Variants in TRAPPC9 observed in about 807,000 individuals in gnomAD.
The protein encoded by TRAPPC9 is IKK2 binding protein.
A neutral mutation model predicts 124.0 loss-of-function variants in TRAPPC9; 83 were observed. That is an observed-to-expected ratio of 0.67 (90% CI 0.56 to 0.80). The LOEUF (loss-of-function observed/expected upper bound fraction) is 0.80. Among genes scored for constraint, TRAPPC9 ranks in the 30% least tolerant of loss-of-function variants. The probability of loss-of-function intolerance (pLI) is 0.00; values close to 1 mark genes in which losing one functional copy is unlikely to be tolerated. For synonymous variants in TRAPPC9, 638 were observed against 617.5 expected (o/e 1.03, Z -0.49); for missense variants, 1,302 against 1,508.3 (o/e 0.86, Z 2.27).
At chr8:139,932,891 A>C in intron 19 of TRAPPC9, 1 of 216,798 alleles carries the variant, frequency 4.6e-6, no homozygotes, top group Non-Finnish European at 9.1e-6. Context: ...GTCTGTTACC[A>C]CAGCATAAGC....
chr8:139,830,730 C>G (rs1825936278), intron 21 of TRAPPC9, among the ~76,000 whole-genome samples: 1 of 152,200 alleles, frequency 6.6e-6, no homozygotes. Context: ...CACACAGACA[C>G]ACACCTCTAG....
At chr8:140,131,778 ACT>A (rs1587774287) in intron 17 of TRAPPC9, among the ~76,000 whole-genome samples, 3 of 152,278 alleles carry the variant, frequency 2.0e-5, no homozygotes, top group East Asian at 1.9e-4. Context: ...ACAACTCCTC[ACT>A]CACACACATT....
chr8:140,437,026 C>T (rs1007334487), intron 3 of TRAPPC9, among the ~76,000 whole-genome samples: 2 of 152,090 alleles, frequency 1.3e-5, no homozygotes, highest in South Asian at 2.1e-4. Flanking sequence ...TGCAGTGGTG[C>T]GATCGTGGCT....
intron 20 of TRAPPC9, among the ~76,000 whole-genome samples, chr8:139,886,867 T>C (rs1169769753): frequency 6.6e-6 from 1 of 152,130 alleles, no homozygotes; most frequent in Non-Finnish European, 1.5e-5. Flanking sequence ...GAGAATCGCA[T>C]TGGCCAACCC....
intron 17 of TRAPPC9, among the ~76,000 whole-genome samples, chr8:140,187,364 G>T (rs996977100): frequency 3.9e-5 from 6 of 152,168 alleles, no homozygotes; most frequent in Non-Finnish European, 8.8e-5. Context: ...TCCCAACTCG[G>T]AAAATCTGAA....
intron 18 of TRAPPC9, among the ~76,000 whole-genome samples, chr8:140,009,711 A>G (rs1838995224): frequency 6.6e-6 from 1 of 152,222 alleles, no homozygotes; most frequent in South Asian, 2.1e-4. Flanking sequence ...GCAACAGCAC[A>G]TTCTCTGAAA....
At chr8:140,158,725 G>A (rs531906440) in intron 17 of TRAPPC9, among the ~76,000 whole-genome samples, 7 of 152,198 alleles carry the variant, frequency 4.6e-5, no homozygotes, top group Middle Eastern at 3.4e-3. Context: ...TCTGTGCTCC[G>A]GAGCCACCCA....
chr8:140,163,442 G>A (rs937264376), intron 17 of TRAPPC9, among the ~76,000 whole-genome samples: 2 of 152,202 alleles, frequency 1.3e-5, no homozygotes, highest in Non-Finnish European at 2.9e-5. Context: ...TTTTCTGGAT[G>A]GTATTGCCAT....
At chr8:140,178,305 T>C (rs1587863661) in intron 17 of TRAPPC9, among the ~76,000 whole-genome samples, 1 of 152,174 alleles carries the variant, frequency 6.6e-6, no homozygotes. Context: ...TTTTGTATCA[T>C]AAATGTGTGA....
intron 10 of TRAPPC9, among the ~76,000 whole-genome samples, chr8:140,305,688 T>A (rs1435730322): frequency 6.6e-6 from 1 of 152,196 alleles, no homozygotes; most frequent in Non-Finnish European, 1.5e-5. Context: ...TAATTTAACA[T>A]GTACAAACAA....
At chr8:140,072,517 CA>C (rs1203630621) in intron 17 of TRAPPC9, among the ~76,000 whole-genome samples, 8 of 109,518 alleles carry the variant, frequency 7.3e-5, no homozygotes, top group East Asian at 2.8e-4. Flanking sequence ...GACTCCGTCT[CA>C]AAAAAAAAAG....
chr8:140,059,088 C>T (rs1243263196), intron 17 of TRAPPC9, among the ~76,000 whole-genome samples: 1 of 152,206 alleles, frequency 6.6e-6, no homozygotes, highest in Non-Finnish European at 1.5e-5. Flanking sequence ...TAAAGCCACT[C>T]CATCACCCCC....
At chr8:140,163,249 G>A (rs1289439270) in intron 17 of TRAPPC9, among the ~76,000 whole-genome samples, 2 of 152,080 alleles carry the variant, frequency 1.3e-5, no homozygotes, top group African/African-American at 4.8e-5. Flanking sequence ...CAGCAGCTTG[G>A]TCTGCCTCAC....
intron 9 of TRAPPC9, among the ~76,000 whole-genome samples, chr8:140,312,740 ATTC>A (rs34638675): frequency 0.26 from 35,358 of 138,006 alleles, 3,731 homozygotes; most frequent in Middle Eastern, 0.33. Context: ...GTGCCTACGC[ATTC>A]TTCTTCTTCT....
At chr8:139,903,631 A>G (rs1025302785) in intron 20 of TRAPPC9, among the ~76,000 whole-genome samples, 1 of 152,016 alleles carries the variant, frequency 6.6e-6, no homozygotes, top group African/African-American at 2.4e-5. Flanking sequence ...TGCGATGTAG[A>G]CTCATCCCGT....
chr8:140,071,559 C>A (rs948369976), intron 17 of TRAPPC9, among the ~76,000 whole-genome samples: 2 of 152,166 alleles, frequency 1.3e-5, no homozygotes, highest in Non-Finnish European at 2.9e-5. Flanking sequence ...GACAAAGGGG[C>A]CTTCCCTGGA....
At chr8:140,043,360 G>C (rs1841382740) in intron 17 of TRAPPC9, among the ~76,000 whole-genome samples, 1 of 152,082 alleles carries the variant, frequency 6.6e-6, no homozygotes, top group South Asian at 2.1e-4. Flanking sequence ...CCATCCTACA[G>C]AAAAAAAGCC....
intron 21 of TRAPPC9, among the ~76,000 whole-genome samples, chr8:139,812,937 CAGACAGCTGCTAG>C: frequency 6.6e-6 from 1 of 152,238 alleles, no homozygotes; most frequent in Non-Finnish European, 1.5e-5. Flanking sequence ...CGGTGCTTTG[CAGACAGCTGCTAG>C]AAGGTTCTAG....
intron 7 of TRAPPC9, among the ~76,000 whole-genome samples, chr8:140,388,657 G>A (rs962868578): frequency 6.6e-6 from 1 of 151,620 alleles, no homozygotes; most frequent in African/African-American, 2.4e-5. Context: ...CACTCAACCT[G>A]GGTGACAGAG....
Sources: gnomAD v4.1 joint callset for allele counts (sites outside exome capture counted in the v4.1 genomes callset) on GRCh38, gnomAD v4.1.1 for gene constraint, MANE v1.5 for transcripts, NCBI Gene and HGNC (gene_info 2026-07-23, HGNC 2026-07-21) for gene names.